The following ANKS6 variants were observed in gnomAD, a reference collection of about 807,000 sequenced individuals.
ANKS6 encodes the protein ankyrin repeat and SAM domain-containing protein 6.
In ANKS6, 47 loss-of-function variants were observed where a neutral mutation model predicts 77.9. The observed-to-expected ratio is 0.60, with a 90% CI of 0.48 to 0.77. ANKS6 has a LOEUF of 0.77. Among genes scored for constraint, ANKS6 ranks in the 30% least tolerant of loss-of-function variants. The pLI is 0.00. For synonymous variants in ANKS6, 488 were observed against 501.7 expected, an observed-to-expected ratio of 0.97 and a Z score of 0.37; for missense variants, 1,150 against 1,159.1, an observed-to-expected ratio of 0.99 and a Z score of 0.11.
At chr9:98,743,011 C>T (rs1337974783) in intron 14 of ANKS6, among the ~76,000 whole-genome samples, 2 of 152,228 alleles carry the variant, frequency 1.3e-5, no homozygotes, top group Non-Finnish European at 2.9e-5. Flanking sequence ...AGTCTGTCTG[C>T]TTTTTGTGAT....
chr9:98,768,276 A>G (rs1402687264), intron 10 of ANKS6, 26 bp from the exon 11 acceptor site: 1 of 1,612,882 alleles, frequency 6.2e-7, no homozygotes, highest in East Asian at 2.2e-5. Context: ...ATGAGTGAAC[A>G]CCATGGGCAC....
intron 8 of ANKS6, 96 bp downstream of exon 8, chr9:98,777,309 T>G: frequency 7.3e-7 from 1 of 1,375,022 alleles, no homozygotes; most frequent in Non-Finnish European, 1.0e-6. Context: ...CTGTGACCAC[T>G]ACAAAGACAG....
intron 12 of ANKS6, among the ~76,000 whole-genome samples, chr9:98,752,102 A>G (rs567571858): frequency 1.3e-4 from 20 of 152,274 alleles, no homozygotes; most frequent in Middle Eastern, 3.4e-3. Flanking sequence ...ACAAACAAAC[A>G]AACAAACAAA....
At position 98,744,220 on chromosome 9, in the gene ANKS6, C is replaced by T. The variant is rs553530057; in HGVS notation, c.2511+1339G>A. ...TGGCCTTGGGATGCCCAAGGCAATG[C>T]TAAGGGCATCCCTTTGAAGGATCAC... On this transcript the variant is annotated intron_variant, in intron 14 of 14. Transcript: ENST00000353234. 5.9e-5 allele frequency among the ~76,000 whole-genome samples: 9 copies of T among 152,308 alleles called. No homozygotes were observed. The South Asian group carries it at 1.9e-3, about 32-fold the overall frequency.
In ANKS6 at chr9:98,751,628, G is replaced by T. The variant is rs368914059; in HGVS notation, c.2327-532C>A. Among the ~76,000 whole-genome samples the T allele has an allele frequency of 2.4e-4, 36 of 152,290 alleles. 1 individual carries two copies. The South Asian group carries it at 7.5e-3, about 32-fold the overall frequency. Reference sequence around the variant, plus strand: ...TCTATGTGGAACAGCAGAGCCACAAGGGCACAAGAAGATGATTTGGGGTGT... The same window carrying T: ...TCTATGTGGAACAGCAGAGCCACAATGGCACAAGAAGATGATTTGGGGTGT... On this transcript the variant is annotated intron_variant, in intron 12 of 14. Coordinates refer to ENST00000353234, the MANE Select transcript of ANKS6 (RefSeq NM_173551.5).
Position 98,783,975 on chromosome 9 carries a change from G to A in ANKS6, c.1090C>T (p.Leu364Phe). Residue 364 changes from leucine to phenylalanine, a missense_variant, in exon 4 of 15, where the codon CTC (leucine) becomes TTC (phenylalanine). Coordinates refer to ENST00000353234, the MANE Select transcript of ANKS6 (RefSeq NM_173551.5). ...GACCCATGGTAGGTTGCCTGCATGA[G>A]GGCCGTCCAGCCATGCACGCTGTCC... The part of the protein sequence containing the change: ...KQDSVHGWTA[L>F]MQATYHGNKE... The A allele has an allele frequency of 6.2e-7, 1 of 1,600,960 alleles. No individual in the cohort carries two copies. The highest frequency in any genetic ancestry group is 1.1e-5 in the South Asian group (1 of 89,398).
intron 11 of ANKS6, among the ~76,000 whole-genome samples, chr9:98,758,470 G>C (rs1832835186): frequency 6.6e-6 from 1 of 152,092 alleles, no homozygotes; most frequent in African/African-American, 2.4e-5. Flanking sequence ...TTTTATTAGA[G>C]AATGGTATTT....
rs752825071 is a variant in ANKS6 at position 98,790,233 on chromosome 9, C to G, written c.733G>C (p.Val245Leu). The change falls in exon 2 of 15, where the codon GTG (valine) becomes CTG (leucine). Residue 245 changes from valine (V) to leucine (L), a missense_variant. Val to Leu is a conservative substitution (Grantham distance 32). Coordinates refer to ENST00000353234, the MANE Select transcript of ANKS6 (RefSeq NM_173551.5). ...TGRLGVAQQL[V>L]EKGANPDHLS... ...TGGTCAGGGTTGGCGCCCTTCTCCA[C>G]CAGCTGCTGGGCCACTCCAAGCCGC... The G allele has an allele frequency of 6.2e-7, 1 of 1,607,012 alleles. No individual in the cohort carries two copies. The highest frequency in any genetic ancestry group is 1.3e-5 in the African/African-American group (1 of 74,834).
chr9:98,792,366 T>C (rs1588424103), intron 1 of ANKS6, among the ~76,000 whole-genome samples: 1 of 152,150 alleles, frequency 6.6e-6, no homozygotes, highest in South Asian at 2.1e-4. Flanking sequence ...CTTTCCCTAA[T>C]TGTCTCTCCT....
Position 98,791,917 on chromosome 9 carries a change from T to C in ANKS6, c.360-1311A>G, listed in dbSNP as rs942469506. Among the ~76,000 whole-genome samples, 6 of 152,124 alleles carry C rather than the reference T, an allele frequency of 3.9e-5. No homozygotes were observed. Among genetic ancestry groups the C allele is most frequent in the East Asian group, 1.9e-4 (1 of 5,182 alleles). ...CATCAGCTGCAGGGGGCTGGGCCTC[T>C]TGACCTCCACTCCCAGAGTGGAAAA... On this transcript the variant is annotated intron_variant, in intron 1 of 14. Coordinates refer to ENST00000353234, the MANE Select transcript of ANKS6 (RefSeq NM_173551.5). The surrounding 1 kb of genome is among the most constrained non-coding windows in gnomAD (Gnocchi z 4.3).
intron 14 of ANKS6, among the ~76,000 whole-genome samples, chr9:98,738,488 C>T (rs1831623994): frequency 6.6e-6 from 1 of 151,530 alleles, no homozygotes; most frequent in African/African-American, 2.4e-5. Flanking sequence ...TGAAAAAATG[C>T]TCAACATCAT....
At chr9:98,771,842 C>T (rs964542821) in intron 9 of ANKS6, among the ~76,000 whole-genome samples, 6 of 152,140 alleles carry the variant, frequency 3.9e-5, no homozygotes, top group African/African-American at 7.2e-5. Context: ...CCTCAACACA[C>T]GGCTGTGATC....
At chr9:98,750,006 T>G (rs1274063365) in intron 13 of ANKS6, among the ~76,000 whole-genome samples, 1 of 152,206 alleles carries the variant, frequency 6.6e-6, no homozygotes, top group Non-Finnish European at 1.5e-5. Context: ...TTTTAACAGC[T>G]TACTGAGATA....
intron 11 of ANKS6, among the ~76,000 whole-genome samples, chr9:98,766,964 T>G (rs928918803): frequency 6.6e-6 from 1 of 152,180 alleles, no homozygotes; most frequent in Non-Finnish European, 1.5e-5. Flanking sequence ...GAAAGGGTTA[T>G]GCTGCACTAC....
In ANKS6 at chr9:98,736,618, G is replaced by A. The variant is rs767538139; in HGVS notation, c.2517C>T (p.Arg839=). ...AISELNAGKG[R]ERQILQETIH... ...TGGTTTCCTGTAAAATTTGTCTCTC[G>A]CGTCCCTGTGGAGGAAATTGAAAAC... Residue 839 remains arginine, a synonymous_variant, in exon 15 of 15, where the codon CGC becomes CGT. Transcript: ENST00000353234. 8.7e-6 allele frequency: 14 copies of A among 1,607,450 alleles called. No homozygotes were observed. Among genetic ancestry groups the A allele is most frequent in the East Asian group, 4.5e-5 (2 of 44,698 alleles).
Position 98,756,523 on chromosome 9 carries a change from G to T in ANKS6, c.2223C>A (p.Pro741=). 15 of 1,607,066 alleles carry T rather than the reference G, an allele frequency of 9.3e-6. No individual in the cohort carries two copies. The highest frequency in any genetic ancestry group is 1.3e-5 in the African/African-American group (1 of 74,540). ...KSTSPTLTPS[P]SPKGHTAESS... is the part of the protein sequence containing the mutation. ...ACTCTGCAGTGTGCCCTTTGGGTGA[G>T]GGGGAGGGCGTGAGGGTTGGAGAGG... Residue 741 remains proline, a synonymous_variant, in exon 12 of 15, where the codon CCC becomes CCA. Transcript: ENST00000353234.
intron 8 of ANKS6, among the ~76,000 whole-genome samples, chr9:98,775,167 C>T (rs1488607265): frequency 2.0e-5 from 3 of 152,248 alleles, no homozygotes; most frequent in African/African-American, 7.2e-5. Flanking sequence ...AATCCACCAC[C>T]ACAAAAGGGT....
intron 4 of ANKS6, among the ~76,000 whole-genome samples, chr9:98,783,091 A>G (rs564116550): frequency 1.5e-4 from 23 of 151,138 alleles, no homozygotes; most frequent in African/African-American, 5.3e-4. Flanking sequence ...TTGGAAAGAA[A>G]AGAAAAGAAA....
At chr9:98,747,096 A>G (rs917517434) in intron 13 of ANKS6, among the ~76,000 whole-genome samples, 7 of 152,124 alleles carry the variant, frequency 4.6e-5, no homozygotes, top group African/African-American at 1.7e-4. Flanking sequence ...GGGATCTACA[A>G]AGAGTTTACA....
Sources: gnomAD v4.1 joint callset for allele counts (sites outside exome capture counted in the v4.1 genomes callset) on GRCh38, gnomAD v4.1.1 for gene constraint, Gnocchi (gnomAD v3.1) non-coding constraint, MANE v1.5 for transcripts, NCBI Gene and HGNC (gene_info 2026-07-23, HGNC 2026-07-21) for gene names.